DNAJC1: variants seen among roughly 807,000 people sequenced by gnomAD.
DNAJC1 encodes the protein dnaJ homolog subfamily C member 1.
DNAJC1 carries 58 observed loss-of-function variants against 76.6 expected under a neutral mutation model. The observed-to-expected ratio is 0.76, with a 90% CI of 0.61 to 0.94. The LOEUF is 0.94. Among genes scored for constraint, DNAJC1 ranks in the 40% least tolerant of loss-of-function variants. The pLI is 0.00. For missense variants in DNAJC1, 689 were observed against 677.3 expected (o/e 1.02, Z -0.19); for synonymous variants, 258 against 267.9 (o/e 0.96, Z 0.36).
chr10:21,969,949 T>C (rs1265848923), intron 1 of DNAJC1, among the ~76,000 whole-genome samples: 1 of 152,078 alleles, frequency 6.6e-6, no homozygotes, highest in Non-Finnish European at 1.5e-5. Flanking sequence ...ATAAAGTATA[T>C]TTATCTGCTG....
At chr10:21,992,107 T>A (rs1275259273) in intron 1 of DNAJC1, among the ~76,000 whole-genome samples, 1 of 152,214 alleles carries the variant, frequency 6.6e-6, no homozygotes, top group Non-Finnish European at 1.5e-5. Context: ...CATCAGGAGT[T>A]CGAGACCAGC....
chr10:21,827,492 A>C (rs1167949627), intron 8 of DNAJC1, among the ~76,000 whole-genome samples: 1 of 152,188 alleles, frequency 6.6e-6, no homozygotes, highest in Non-Finnish European at 1.5e-5. Flanking sequence ...GTCAGAAATC[A>C]AGGTTTTGGC....
intron 8 of DNAJC1, among the ~76,000 whole-genome samples, chr10:21,836,121 G>A (rs367774294): frequency 1.4e-4 from 22 of 152,266 alleles, no homozygotes; most frequent in South Asian, 1.0e-3. Context: ...GACTAACAGC[G>A]GATCTCTCGG....
chr10:21,937,064 G>T (rs574139643), intron 1 of DNAJC1, among the ~76,000 whole-genome samples: 71 of 152,058 alleles, frequency 4.7e-4, no homozygotes, highest in Non-Finnish European at 1.0e-3. Flanking sequence ...CTTAGAAACT[G>T]CAACTTTAAG....
chr10:21,781,317 A>G (rs1221295723), intron 9 of DNAJC1, among the ~76,000 whole-genome samples: 2 of 152,242 alleles, frequency 1.3e-5, no homozygotes, highest in African/African-American at 4.8e-5. Context: ...CACTTATTCC[A>G]AAATTGACCA....
At chr10:21,964,930 G>T (rs965303239) in intron 1 of DNAJC1, among the ~76,000 whole-genome samples, 1 of 151,928 alleles carries the variant, frequency 6.6e-6, no homozygotes, top group Non-Finnish European at 1.5e-5. Context: ...TTTTCTCTTT[G>T]ACTGTTTTCA....
chr10:21,982,649 T>C (rs1322836642), intron 1 of DNAJC1, among the ~76,000 whole-genome samples: 2 of 150,938 alleles, frequency 1.3e-5, no homozygotes, highest in Non-Finnish European at 2.9e-5. Flanking sequence ...TCAATAACAG[T>C]AGTCACTAGG....
Position 21,915,503 on chromosome 10 carries a change from A to G in DNAJC1, c.729+3276T>C, listed in dbSNP as rs141060044. On this transcript the variant is annotated intron_variant, in intron 6 of 11. Transcript: ENST00000376980. ...GCTTGGACCCTGCTTCTTAACCAAT[A>G]GCTATATACAGACATCAAATATTTG... 2.5e-4 allele frequency among the ~76,000 whole-genome samples: 38 copies of G among 152,332 alleles called. No homozygotes were observed. The East Asian group carries it at 4.8e-3, about 19-fold the overall frequency.
intron 1 of DNAJC1, among the ~76,000 whole-genome samples, chr10:21,990,502 G>C (rs1202284622): frequency 6.6e-6 from 1 of 152,174 alleles, no homozygotes; most frequent in Non-Finnish European, 1.5e-5. Flanking sequence ...AGAAGACAGT[G>C]AGCATGTTGA....
At chr10:21,806,667 TA>T (rs1834887694) in intron 8 of DNAJC1, among the ~76,000 whole-genome samples, 1 of 152,130 alleles carries the variant, frequency 6.6e-6, no homozygotes, top group East Asian at 1.9e-4. Context: ...TTTAAAATAA[TA>T]TTTTTTCAAG....
intron 7 of DNAJC1, among the ~76,000 whole-genome samples, chr10:21,900,602 A>T (rs1836636121): frequency 6.6e-6 from 1 of 152,220 alleles, no homozygotes; most frequent in South Asian, 2.1e-4. Context: ...ACTGTACCCT[A>T]GGTAAAAGTA....
intron 11 of DNAJC1, among the ~76,000 whole-genome samples, chr10:21,758,285 G>A (rs45554835): frequency 6.6e-5 from 10 of 152,178 alleles, no homozygotes; most frequent in South Asian, 6.2e-4. Flanking sequence ...GGAAGAGATC[G>A]GGGCTTTTGA....
chr10:21,886,143 G>A (rs1319386197), intron 7 of DNAJC1, among the ~76,000 whole-genome samples: 1 of 152,044 alleles, frequency 6.6e-6, no homozygotes, highest in Admixed American at 6.6e-5. Flanking sequence ...GATGAAGGGT[G>A]TCATCATTAC....
chr10:21,996,250 A>G (rs1838413975), intron 1 of DNAJC1, among the ~76,000 whole-genome samples: 1 of 152,324 alleles, frequency 6.6e-6, no homozygotes, highest in Non-Finnish European at 1.5e-5. Context: ...AGACCCAATA[A>G]TGCCCACAGT....
At chr10:21,921,676 G>C (rs1184696175) in intron 3 of DNAJC1, among the ~76,000 whole-genome samples, 4 of 152,004 alleles carry the variant, frequency 2.6e-5, no homozygotes, top group Non-Finnish European at 1.5e-5. Flanking sequence ...TTTGCTGGAA[G>C]AGAAGAACAT....
chr10:21,810,897 A>C (rs924499646), intron 8 of DNAJC1, among the ~76,000 whole-genome samples: 1 of 152,204 alleles, frequency 6.6e-6, no homozygotes, highest in Non-Finnish European at 1.5e-5. Flanking sequence ...TTGGTATTAT[A>C]GATTTGGTGA....
At chr10:21,912,125 A>T (rs1388897503) in intron 6 of DNAJC1, among the ~76,000 whole-genome samples, 1 of 152,082 alleles carries the variant, frequency 6.6e-6, no homozygotes, top group Non-Finnish European at 1.5e-5. Flanking sequence ...TATACTATAA[A>T]GTTCTAGTTA....
intron 1 of DNAJC1, among the ~76,000 whole-genome samples, chr10:21,947,516 T>C (rs1289995469): frequency 1.3e-5 from 2 of 152,188 alleles, no homozygotes; most frequent in Admixed American, 6.5e-5. Context: ...TTTTCTCTTA[T>C]GATTTTCTTA....
At chr10:21,837,305 G>A (rs1395415972) in intron 8 of DNAJC1, among the ~76,000 whole-genome samples, 2 of 152,218 alleles carry the variant, frequency 1.3e-5, no homozygotes, top group Non-Finnish European at 2.9e-5. Flanking sequence ...CCAAAGTGCT[G>A]AGATTGCAGC....
Sources: allele counts gnomAD v4.1 joint callset (sites outside exome capture counted in the v4.1 genomes callset), GRCh38; gene constraint gnomAD v4.1.1; transcripts MANE v1.5; gene names NCBI Gene and HGNC (gene_info 2026-07-23, HGNC 2026-07-21).